DNAJC3: variants seen among roughly 807,000 people sequenced by gnomAD.
The protein encoded by DNAJC3 is DnaJ heat shock protein family (Hsp40) member C3, also known as dnaJ homolog subfamily C member 3.
DNAJC3 carries 38 observed loss-of-function variants against 68.6 expected under a neutral mutation model. That is an observed-to-expected ratio of 0.55 (90% CI 0.43 to 0.73). The LOEUF is 0.73. DNAJC3 is among the 30% of genes least tolerant of loss of function. The pLI is 0.00. For missense variants in DNAJC3, 526 were observed against 591.9 expected (o/e 0.89, Z 1.16); for synonymous variants, 203 against 204.0 (o/e 1.00, Z 0.04).
At chr13:95,758,547 C>G (rs925206175) in intron 5 of DNAJC3, among the ~76,000 whole-genome samples, 12 of 150,514 alleles carry the variant, frequency 8.0e-5, no homozygotes, top group Admixed American at 4.0e-4. Context: ...CTGAGGCGCT[C>G]GAACCTGAGA....
intron 9 of DNAJC3, among the ~76,000 whole-genome samples, chr13:95,779,411 A>G (rs1049873309): frequency 6.6e-6 from 1 of 152,190 alleles, no homozygotes; most frequent in African/African-American, 2.4e-5. Flanking sequence ...GGCATGAGCC[A>G]TCGCGCCCGG....
intron 7 of DNAJC3, among the ~76,000 whole-genome samples, 166 bp from the exon 8 acceptor site, chr13:95,763,477 G>A (rs1024311798): frequency 4.6e-5 from 7 of 152,170 alleles, no homozygotes; most frequent in Admixed American, 3.3e-4. Flanking sequence ...ATTATGGAGT[G>A]TACCTTCTAT....
At chr13:95,708,897 T>C (rs912232368) in intron 1 of DNAJC3, among the ~76,000 whole-genome samples, 1 of 152,202 alleles carries the variant, frequency 6.6e-6, no homozygotes, top group Non-Finnish European at 1.5e-5. Flanking sequence ...TGATGTTCAT[T>C]AAAGGTGAGA....
chr13:95,706,671 C>A (rs1880759499), intron 1 of DNAJC3, among the ~76,000 whole-genome samples: 2 of 152,144 alleles, frequency 1.3e-5, no homozygotes, highest in South Asian at 4.1e-4. Context: ...TCTCCTCAGA[C>A]AAGGGGGGAA....
rs77507962 is a variant in DNAJC3 at position 95,771,395 on chromosome 13, T to C, written c.1075+7442T>C. ...GGGCCACTGCAGTGGGGTCTTGTAC[T>C]GGGGAGAGAGATTGGGTTTGACTCT... On this transcript the variant is annotated intron_variant, in intron 9 of 11. Coordinates refer to ENST00000602402, the MANE Select transcript of DNAJC3 (RefSeq NM_006260.5). Among the ~76,000 whole-genome samples the C allele has an allele frequency of 3.2e-4, 49 of 152,206 alleles. No individual in the cohort carries two copies. In the East Asian group the frequency reaches 8.1e-3, roughly 25 times the overall value.
intron 9 of DNAJC3, among the ~76,000 whole-genome samples, chr13:95,767,691 GTT>G (rs796243780): frequency 4.4e-5 from 6 of 135,776 alleles, no homozygotes; most frequent in Non-Finnish European, 8.0e-5. Flanking sequence ...AGTTTTTTGG[GTT>G]TTTTTTTTTT....
intron 2 of DNAJC3, among the ~76,000 whole-genome samples, chr13:95,709,830 G>A (rs547882867): frequency 2.6e-5 from 4 of 151,998 alleles, no homozygotes; most frequent in South Asian, 2.1e-4. Flanking sequence ...TAGTAGAGAC[G>A]GGGTTTCACC....
Position 95,723,602 on chromosome 13 carries a change from C to G in DNAJC3, c.318+236C>G, listed in dbSNP as rs576078319. On this transcript the variant is annotated intron_variant, in intron 3 of 11. Coordinates refer to ENST00000602402, the MANE Select transcript of DNAJC3 (RefSeq NM_006260.5). ...TTCAGAAGTCTGGCAGTGATGTCAGCTTTGTGGTTTAGAAAGACAAATCTG... is the reference window on the plus strand; with the variant it reads ...TTCAGAAGTCTGGCAGTGATGTCAGGTTTGTGGTTTAGAAAGACAAATCTG... 1.2e-4 allele frequency among the ~76,000 whole-genome samples: 19 copies of G among 152,096 alleles called. No individual in the cohort carries two copies. The East Asian group carries it at 3.3e-3, about 26-fold the overall frequency.
intron 1 of DNAJC3, among the ~76,000 whole-genome samples, chr13:95,689,051 T>A (rs1880153828): frequency 6.6e-6 from 1 of 151,958 alleles, no homozygotes; most frequent in Non-Finnish European, 1.5e-5. Flanking sequence ...TGGTTTCCTT[T>A]TTTTGGTTGT....
At position 95,785,138 on chromosome 13, in the gene DNAJC3, A is replaced by C. The variant is rs142417446; in HGVS notation, c.1076-801A>C. Among the ~76,000 whole-genome samples the C allele has an allele frequency of 4.7e-3, 719 of 151,760 alleles. 10 individuals are homozygous for C. Among genetic ancestry groups the C allele is most frequent in the African/African-American group, 0.017 (694 of 41,356 alleles). ...TCCTTCTGTTCCCTTTCTTTCTACA[A>C]ATTTTTTTTTTCTAGCTTCCCATTG... On this transcript the variant is annotated intron_variant, in intron 9 of 11. Transcript: ENST00000602402.
rs745878043 is a variant in DNAJC3, at chr13:95,742,955, G to A, written c.394-14689G>A. On this transcript the variant is annotated intron_variant, in intron 4 of 11. Transcript: ENST00000602402. The stretch of plus-strand genomic sequence containing the variant: ...AGTCTATTTGAGTTAATTTTTGTAT[G>A]ATGGTATGAGGTTTAGGTCGAAGTT... 4.2e-5 allele frequency: 19 copies of A among 447,372 alleles called. No homozygotes were observed. The East Asian group carries it at 1.2e-3, about 28-fold the overall frequency. The allele number at this position is 447,372 out of a possible 1,614,324, so 27.7% of individuals were successfully genotyped here.
At chr13:95,752,666 T>C (rs1281644216) in intron 4 of DNAJC3, among the ~76,000 whole-genome samples, 4 of 152,226 alleles carry the variant, frequency 2.6e-5, no homozygotes, top group African/African-American at 9.6e-5. Context: ...CTCTCTGTTA[T>C]AATAAAATGC....
intron 3 of DNAJC3, 71 bp downstream of exon 3, chr13:95,723,437 G>A (rs1881409990): frequency 2.0e-6 from 3 of 1,526,838 alleles, no homozygotes; most frequent in South Asian, 1.2e-5. Context: ...GTTTCATAAG[G>A]TGAGGACTGG....
intron 9 of DNAJC3, among the ~76,000 whole-genome samples, chr13:95,783,247 G>A (rs1208457372): frequency 6.6e-6 from 1 of 152,142 alleles, no homozygotes; most frequent in Non-Finnish European, 1.5e-5. Context: ...TTCTGCAATT[G>A]TGTGAATATA....
At chr13:95,727,971 A>G (rs1360052069) in intron 4 of DNAJC3, among the ~76,000 whole-genome samples, 1 of 152,186 alleles carries the variant, frequency 6.6e-6, no homozygotes, top group Non-Finnish European at 1.5e-5. Context: ...AAATTTTGAC[A>G]TTTCAAAAAT....
chr13:95,763,996 T>G, intron 9 of DNAJC3, 43 bp downstream of exon 9: 1 of 1,595,226 alleles, frequency 6.3e-7, no homozygotes, highest in Non-Finnish European at 8.5e-7. Flanking sequence ...AAGTGTTGAT[T>G]AGGAAATTAT....
chr13:95,679,251 G>C (rs1879853693), intron 1 of DNAJC3, among the ~76,000 whole-genome samples: 1 of 145,790 alleles, frequency 6.9e-6, no homozygotes, highest in Non-Finnish European at 1.5e-5. Flanking sequence ...TTCCTGGGAG[G>C]TTTAATACAG....
At chr13:95,770,256 TAAG>T (rs1883122372) in intron 9 of DNAJC3, among the ~76,000 whole-genome samples, 3 of 151,364 alleles carry the variant, frequency 2.0e-5, no homozygotes, top group Non-Finnish European at 4.4e-5. Context: ...GAGGCTTCTT[TAAG>T]AAAGGAAAAA....
At chr13:95,710,905 G>C (rs1421921858) in intron 2 of DNAJC3, among the ~76,000 whole-genome samples, 2 of 151,906 alleles carry the variant, frequency 1.3e-5, no homozygotes, top group African/African-American at 2.4e-5. Flanking sequence ...TGCCCAGCCT[G>C]TCTCAAACTC....
Sources: allele counts gnomAD v4.1 joint callset (sites outside exome capture counted in the v4.1 genomes callset), GRCh38; gene constraint gnomAD v4.1.1; transcripts MANE v1.5; gene names NCBI Gene and HGNC (gene_info 2026-07-23, HGNC 2026-07-21).